The following VSIG4 variants were observed in gnomAD, a reference collection of about 807,000 sequenced individuals.
The protein encoded by VSIG4 is V-set and immunoglobulin domain-containing protein 4.
VSIG4 carries 34 observed loss-of-function variants against 23.4 expected under a neutral mutation model. The ratio of observed to expected loss-of-function variants is 1.45; its 90% CI spans 1.10 to 1.93. VSIG4 has a LOEUF of 1.93. Ranked by LOEUF, VSIG4 falls within the 30% of genes most tolerant of loss-of-function variation. The probability of loss-of-function intolerance (pLI) is 0.00; values close to 1 mark genes in which losing one functional copy is unlikely to be tolerated. For synonymous variants in VSIG4, 169 were observed against 120.3 expected (o/e 1.41, Z -2.65); for missense variants, 433 against 310.8 (o/e 1.39, Z -2.96).
At chrX:66,038,014 C>G (rs924659508) in intron 1 of VSIG4, among the ~76,000 whole-genome samples, 1 of 110,534 alleles carries the variant, frequency 9.0e-6, no homozygotes, top group Non-Finnish European at 1.9e-5. Flanking sequence ...ATCCCATTCC[C>G]CCACATGACT....
chrX:66,032,829 C>A, intron 2 of VSIG4, 80 bp from the exon 3 acceptor site: 5 of 1,040,259 alleles, frequency 4.8e-6, no homozygotes, highest in Non-Finnish European at 2.6e-6. Context: ...TCTTGTTGGG[C>A]GTAAGGGCAT....
At chrX:66,026,514 C>T (rs765803913) in intron 5 of VSIG4, among the ~76,000 whole-genome samples, 117 of 111,518 alleles carry the variant, frequency 1.0e-3, no homozygotes, top group Middle Eastern at 4.6e-3. Context: ...ATGTTCTTCT[C>T]GGAGAGGAAC....
chrX:66,035,938 C>G (rs1182570202), intron 1 of VSIG4, among the ~76,000 whole-genome samples: 1 of 111,802 alleles, frequency 8.9e-6, no homozygotes, highest in Admixed American at 9.5e-5. Context: ...TTGTGTTTTT[C>G]CTCCCTGGGA....
At position 66,028,256 on chromosome X, in the gene VSIG4, C is replaced by T. The variant is rs1218752292; in HGVS notation, c.695-144G>A. 7 of 474,803 alleles carry T rather than the reference C, an allele frequency of 1.5e-5. No individual in the cohort carries two copies. The East Asian group carries it at 2.5e-4, about 17-fold the overall frequency. The allele number at this position is 474,803 out of a possible 1,213,427, so 39.1% of individuals were successfully genotyped here. ...CACTTCTGTCATGATGCTGGTAAGTCCTGTGTTGCTTGTTCATCTTTCATA... is the reference window on the plus strand; with the variant it reads ...CACTTCTGTCATGATGCTGGTAAGTTCTGTGTTGCTTGTTCATCTTTCATA... On this transcript the variant is annotated intron_variant, in intron 3 of 7. Transcript: ENST00000374737.
At chrX:66,024,827 C>G (rs1327054295) in intron 6 of VSIG4, among the ~76,000 whole-genome samples, 198 bp downstream of exon 6, 1 of 111,781 alleles carries the variant, frequency 8.9e-6, no homozygotes, top group Non-Finnish European at 1.9e-5. Context: ...AGTACCAAAG[C>G]CTAGTGCATT....
chrX:66,032,829 C>T (rs1268762832), intron 2 of VSIG4, 80 bp from the exon 3 acceptor site: 11 of 1,040,260 alleles, frequency 1.1e-5, no homozygotes, highest in South Asian at 4.6e-5. Flanking sequence ...TCTTGTTGGG[C>T]GTAAGGGCAT....
At chrX:66,030,502 T>TTAAGAG (rs1224399080) in intron 3 of VSIG4, among the ~76,000 whole-genome samples, 1 of 111,067 alleles carries the variant, frequency 9.0e-6, no homozygotes, top group Non-Finnish European at 1.9e-5. Flanking sequence ...GTAGCTGATG[T>TTAAGAG]TAAGAGTTCA....
chrX:66,032,378 C>G, intron 3 of VSIG4, 90 bp downstream of exon 3: 1 of 1,086,425 alleles, frequency 9.2e-7, no homozygotes, highest in Non-Finnish European at 1.2e-6. Context: ...CCTCCTCTCC[C>G]AATTCTTCTT....
chrX:66,035,852 G>A (rs1316134165), intron 1 of VSIG4, among the ~76,000 whole-genome samples: 1 of 112,354 alleles, frequency 8.9e-6, no homozygotes, highest in Admixed American at 9.4e-5. Context: ...GCAGCATTCT[G>A]CTGTGAGTTG....
At chrX:66,022,578 C>CTTGCCAA in intron 7 of VSIG4, 78 bp from the exon 8 acceptor site, 21 of 1,168,448 alleles carry the variant, frequency 1.8e-5, no homozygotes, top group Non-Finnish European at 2.4e-5. Flanking sequence ...TGCCTCAATT[C>CTTGCCAA]TTGCCAATTA....
chrX:66,034,111 C>CT, intron 1 of VSIG4, among the ~76,000 whole-genome samples: 1 of 112,006 alleles, frequency 8.9e-6, no homozygotes, highest in Non-Finnish European at 1.9e-5. Context: ...AAGTCACCTT[C>CT]TTACCGTGGA....
rs1426843636 is a variant in VSIG4 at position 66,021,836 on chromosome X, A to G, written c.*427T>C. 1 of 275,477 alleles carries G rather than the reference A, an allele frequency of 3.6e-6. No individual in the cohort carries two copies. The highest frequency in any genetic ancestry group is 6.7e-6 in the Non-Finnish European group (1 of 149,062). 22.7% of individuals were successfully genotyped at this position (275,477 alleles called of 1,213,427 possible). A position where few individuals can be genotyped will look rare whatever the true frequency, so the allele number is the denominator to read the frequency against. On this transcript the variant is annotated 3_prime_UTR_variant, in exon 8 of 8. Coordinates refer to ENST00000374737, the MANE Select transcript of VSIG4 (RefSeq NM_007268.3). ...ACTGAACCCTGGCCTGTGAAATAACAATTTCAATTAAAAGCTGTCTGGCCC... is the reference window on the plus strand; with the variant it reads ...ACTGAACCCTGGCCTGTGAAATAACGATTTCAATTAAAAGCTGTCTGGCCC...
chrX:66,022,957 G>T (rs758462296), intron 6 of VSIG4, 95 bp from the exon 7 acceptor site: 1 of 961,288 alleles, frequency 1.0e-6, no homozygotes, highest in Non-Finnish European at 1.5e-6. Flanking sequence ...ATGAGGGAAG[G>T]GTACAGAGGA....
chrX:66,024,121 A>C (rs2085363196), intron 6 of VSIG4, among the ~76,000 whole-genome samples: 3 of 112,450 alleles, frequency 2.7e-5, no homozygotes, highest in African/African-American at 9.7e-5. Flanking sequence ...GATACTACAG[A>C]GAATAAGACA....
intron 4 of VSIG4, among the ~76,000 whole-genome samples, 154 bp from the exon 5 acceptor site, chrX:66,027,680 T>A (rs979324582): frequency 1.8e-5 from 2 of 112,322 alleles, no homozygotes; most frequent in Admixed American, 1.9e-4. Flanking sequence ...TACCATGAGA[T>A]AAGGCATCTT....
chrX:66,034,766 TG>T lies in VSIG4; in HGVS notation c.56-937del, dbSNP rs1211655954. On this transcript the variant is annotated intron_variant, in intron 1 of 7. Transcript: ENST00000374737. ...TGTTTGAGAAGGAAACCCTTGGGGA[TG>T]GGGGTGGGGGTGGGGAAGGAGGTGG... is the stretch of plus-strand genomic sequence containing the variant. Among the ~76,000 whole-genome samples, 17 of 3,695 alleles carry T rather than the reference TG, an allele frequency of 4.6e-3. 1 individual carries two copies. In the East Asian group the frequency reaches 0.075, roughly 16 times the overall value. The allele number at this position is 3,695 out of a possible 115,157, so 3.2% of individuals were successfully genotyped here. A position where few individuals can be genotyped will look rare whatever the true frequency, so the allele number is the denominator to read the frequency against.
chrX:66,028,558 CTTTTTTTTTTT>C (rs34660062), intron 3 of VSIG4, among the ~76,000 whole-genome samples: 7 of 74,254 alleles, frequency 9.4e-5, no homozygotes, highest in Non-Finnish European at 1.8e-4. Flanking sequence ...ACGTAATCAA[CTTTTTTTTTTT>C]TTTTTTTTTT....
intron 1 of VSIG4, among the ~76,000 whole-genome samples, chrX:66,035,628 T>A (rs995222624): frequency 8.9e-6 from 1 of 112,142 alleles, no homozygotes; most frequent in Non-Finnish European, 1.9e-5. Flanking sequence ...CACCTCCATG[T>A]GATTGCAGAT....
chrX:66,037,330 AATAAT>A (rs1369945867), intron 1 of VSIG4, among the ~76,000 whole-genome samples: 41 of 20,467 alleles, frequency 2.0e-3, no homozygotes, highest in Non-Finnish European at 2.1e-3. Context: ...TATATTATAT[AATAAT>A]ATAATATAAT....
Sources: allele counts gnomAD v4.1 joint callset (sites outside exome capture counted in the v4.1 genomes callset), GRCh38; gene constraint gnomAD v4.1.1; transcripts MANE v1.5; gene names NCBI Gene and HGNC (gene_info 2026-07-23, HGNC 2026-07-21).